Variants in KICS2 observed in about 807,000 individuals in gnomAD.
KICS2 encodes the protein KICSTOR subunit 2, also known as KICSTOR complex protein C12orf66.
Under a neutral mutation model 31.4 loss-of-function variants are expected in KICS2, and 13 were observed. That is an observed-to-expected ratio of 0.41 (90% CI 0.27 to 0.66). The LOEUF (loss-of-function observed/expected upper bound fraction) is 0.66. Among genes scored for constraint, KICS2 ranks in the 30% least tolerant of loss-of-function variants. The pLI, the probability that KICS2 is intolerant of heterozygous loss-of-function variation, is 0.28. For missense variants in KICS2, 455 were observed against 545.4 expected, an observed-to-expected ratio of 0.83 and a Z score of 1.65; for synonymous variants, 209 against 214.8, an observed-to-expected ratio of 0.97 and a Z score of 0.24.
rs374731314 is a variant in KICS2, at chr12:64,194,110, G to A, written c.1070C>T (p.Pro357Leu). 2.5e-5 allele frequency: 41 copies of A among 1,614,038 alleles called. No homozygotes were observed. The highest frequency in any genetic ancestry group is 3.5e-5 in the Non-Finnish European group (41 of 1,180,042). Residue 357 changes from proline (P) to leucine (L), a missense_variant, in exon 3 of 3, where the codon CCA (proline) becomes CTA (leucine). By Grantham distance (98) the Pro-to-Leu change is moderately conservative. Transcript: ENST00000398055. ...PAVVSLPSDR[P>L]VMHWPNVIMI... ...GATGACATTGGGCCAGTGCATGACT[G>A]GCCTGTCGCTGGGCAGAGACACTAC...
downstream of KICS2, among the ~76,000 whole-genome samples, chr12:64,189,084 C>T (rs189316552): frequency 6.6e-6 from 1 of 152,112 alleles, no homozygotes. Flanking sequence ...ACCCTGGAGG[C>T]GGAGGTTGTG....
At chr12:64,203,858 A>T (rs1490517534) in intron 2 of KICS2, among the ~76,000 whole-genome samples, 2 of 152,202 alleles carry the variant, frequency 1.3e-5, no homozygotes. Context: ...TTACATCAAC[A>T]TCCTTCCAGC....
At chr12:64,209,520 G>A (rs1429189268) in intron 2 of KICS2, among the ~76,000 whole-genome samples, 1 of 152,086 alleles carries the variant, frequency 6.6e-6, no homozygotes, top group Non-Finnish European at 1.5e-5. Context: ...AGGAGGCGGA[G>A]GTTGCAGTGA....
chr12:64,196,941 G>A (rs1276819630), intron 2 of KICS2, among the ~76,000 whole-genome samples: 13 of 145,718 alleles, frequency 8.9e-5, no homozygotes, highest in African/African-American at 3.3e-4. Flanking sequence ...CAAGAAATAT[G>A]GGACTATGTG....
chr12:64,193,851 G>C lies in KICS2; in HGVS notation c.1329C>G (p.Ala443=), dbSNP rs763881336. ...PKVFASLKPG[A]KG is the part of the protein sequence containing the mutation. ...CCACGCAAATCACCTGCTAACCTTT[G>C]GCTCCAGGTTTCAGACTTGCAAACA... The change falls in exon 3 of 3, where the codon GCC becomes GCG. Residue 443 remains alanine (A), a synonymous_variant. Coordinates refer to ENST00000398055, the MANE Select transcript of KICS2 (RefSeq NM_152440.5). 6.2e-7 allele frequency: 1 copy of C among 1,612,244 alleles called. No individual in the cohort carries two copies. Among genetic ancestry groups the C allele is most frequent in the African/African-American group, 1.3e-5 (1 of 74,776 alleles).
At chr12:64,213,087 C>CAAAAAAAAAAAAAAAAAAAAAAAAA (rs1235001391) in intron 2 of KICS2, among the ~76,000 whole-genome samples, 1 of 69,146 alleles carries the variant, frequency 1.4e-5, no homozygotes, top group African/African-American at 5.7e-5. Context: ...GAGACAAACT[C>CAAAAAAAAAAAAAAAAAAAAAAAAA]AAAAAAAAAA....
chr12:64,216,513 A>T (rs1273424537), intron 1 of KICS2, among the ~76,000 whole-genome samples: 4 of 152,236 alleles, frequency 2.6e-5, no homozygotes, highest in African/African-American at 9.6e-5. Flanking sequence ...CAGAAAATTG[A>T]ATACATACAC....
downstream of KICS2, among the ~76,000 whole-genome samples, chr12:64,190,028 A>C (rs796818600): frequency 5.0e-4 from 76 of 152,292 alleles, 1 homozygote; most frequent in African/African-American, 1.8e-3. Context: ...CAACCATAAA[A>C]ATTTGGGAAC....
rs995020792 is a variant in KICS2, at chr12:64,191,691, A to G, written c.*2151T>C. ...TAAAATCTGCTGAGACTTTTTTTAT[A>G]GAACCTGAGTGAATAAAATGCAGAG... On this transcript the variant is annotated 3_prime_UTR_variant, in exon 3 of 3. Coordinates refer to ENST00000398055, the MANE Select transcript of KICS2 (RefSeq NM_152440.5). 3.3e-5 allele frequency: 5 copies of G among 152,228 alleles called. No individual in the cohort carries two copies. The highest frequency in any genetic ancestry group is 3.3e-4 in the Admixed American group (5 of 15,280). 9.4% of individuals were successfully genotyped at this position (152,228 alleles called of 1,614,324 possible). A position where few individuals can be genotyped will look rare whatever the true frequency, so the allele number is the denominator to read the frequency against.
chr12:64,194,344 C>T lies in KICS2; in HGVS notation c.836G>A (p.Arg279Gln), dbSNP rs1350370120. ...TTTCATTTCTGAAGCAGTCGTTTGT[C>T]GGCTCAGAGCCTCATGAAAGTAAAA... ...FSFYFHEALS[R>Q]QTTASEMKTL... is the part of the protein sequence containing the mutation. Residue 279 changes from arginine (R) to glutamine (Q), a missense_variant, in exon 3 of 3, where the codon CGA becomes CAA. Arg to Gln is a conservative substitution (Grantham distance 43). Transcript: ENST00000398055. 7 of 1,613,980 alleles carry T rather than the reference C, an allele frequency of 4.3e-6. No individual in the cohort carries two copies. The highest frequency in any genetic ancestry group is 3.3e-5 in the South Asian group (3 of 91,056).
rs1296641104 is a variant in KICS2 at position 64,203,042 on chromosome 12, CT to C, written c.522-8385del. 2.0e-5 allele frequency among the ~76,000 whole-genome samples: 3 copies of C among 152,136 alleles called. No homozygotes were observed. The East Asian group carries it at 5.8e-4, about 29-fold the overall frequency. ...CTCATTTCTTAATACCTCTCTCCCA[CT>C]TTAGTAGTTTGACCATACAATTTCT... On this transcript the variant is annotated intron_variant, in intron 2 of 2. Transcript: ENST00000398055.
intron 1 of KICS2, 65 bp from the exon 2 acceptor site, chr12:64,216,028 A>G: frequency 1.3e-6 from 2 of 1,483,654 alleles, no homozygotes; most frequent in Non-Finnish European, 1.8e-6. Context: ...CCAAACACCT[A>G]CCAACATGCA....
In KICS2 at chr12:64,192,281, C is replaced by T. The variant is rs186790742; in HGVS notation, c.*1561G>A. 1.2e-3 allele frequency: 184 copies of T among 152,288 alleles called. No homozygotes were observed. The highest frequency in any genetic ancestry group is 0.011 in the South Asian group (53 of 4,818). The allele number at this position is 152,288 out of a possible 1,614,324, so 9.4% of individuals were successfully genotyped here. ...CTGGGATTACAGTCACCCGTCACTA[C>T]AACCGGCCAACTTTTGTATTTTTAG... On this transcript the variant is annotated 3_prime_UTR_variant, in exon 3 of 3. Coordinates refer to ENST00000398055, the MANE Select transcript of KICS2 (RefSeq NM_152440.5).
intron 2 of KICS2, among the ~76,000 whole-genome samples, chr12:64,202,658 G>T (rs899136351): frequency 2.0e-5 from 3 of 147,460 alleles, no homozygotes; most frequent in Non-Finnish European, 4.5e-5. Flanking sequence ...TTTTCTACTT[G>T]ATATTTTCTA....
intron 2 of KICS2, among the ~76,000 whole-genome samples, chr12:64,201,673 A>G (rs1266899181): frequency 2.0e-5 from 3 of 151,030 alleles, no homozygotes; most frequent in African/African-American, 7.3e-5. Flanking sequence ...TGAAATCCCA[A>G]CCTTACTAAA....
At chr12:64,190,068 G>A (rs968125408), downstream of KICS2, among the ~76,000 whole-genome samples, 3 of 152,198 alleles carry the variant, frequency 2.0e-5, no homozygotes, top group African/African-American at 7.2e-5. Context: ...AAAATAGGAA[G>A]AGTGGGTAGG....
At chr12:64,194,706 G>C in intron 2 of KICS2, 48 bp from the exon 3 acceptor site, 1 of 1,529,120 alleles carries the variant, frequency 6.5e-7, no homozygotes. Context: ...TACTTCACTT[G>C]CCACACTGAC....
intron 1 of KICS2, among the ~76,000 whole-genome samples, chr12:64,220,463 G>A (rs1200741598): frequency 1.3e-5 from 2 of 151,696 alleles, no homozygotes; most frequent in African/African-American, 4.9e-5. Flanking sequence ...CAGGTTATAC[G>A]CAAAATTATA....
At chr12:64,187,837 T>C (rs2037351004), downstream of KICS2, among the ~76,000 whole-genome samples, 1 of 152,214 alleles carries the variant, frequency 6.6e-6, no homozygotes, top group Admixed American at 6.5e-5. Context: ...GCAAATACAC[T>C]AAAAGTGATC....
Sources: allele counts gnomAD v4.1 joint callset (sites outside exome capture counted in the v4.1 genomes callset), GRCh38; gene constraint gnomAD v4.1.1; transcripts MANE v1.5; gene names NCBI Gene and HGNC (gene_info 2026-07-23, HGNC 2026-07-21).